Variants in OVCH1 observed in about 807,000 individuals in gnomAD.
The protein encoded by OVCH1 is ovochymase 1.
A neutral mutation model predicts 138.4 loss-of-function variants in OVCH1; 139 were observed. That is an observed-to-expected ratio of 1.00 (90% confidence interval 0.87 to 1.16). The LOEUF (loss-of-function observed/expected upper bound fraction) is 1.16. OVCH1 is among the 50% of genes most tolerant of loss of function. The pLI is 0.00. For missense variants in OVCH1, 1,367 were observed against 1,357.9 expected, an observed-to-expected ratio of 1.01 and a Z score of -0.11; for synonymous variants, 453 against 467.8, an observed-to-expected ratio of 0.97 and a Z score of 0.41.
chr12:29,461,721 G>T (rs1201393593), intron 19 of OVCH1, 133 bp downstream of exon 19: 1 of 1,107,022 alleles, frequency 9.0e-7, no homozygotes. Context: ...TTGCCCCACT[G>T]GTCTTCATGC....
intron 8 of OVCH1, among the ~76,000 whole-genome samples, chr12:29,481,289 C>A (rs573537345): frequency 6.6e-6 from 1 of 152,080 alleles, no homozygotes; most frequent in Non-Finnish European, 1.5e-5. Flanking sequence ...ATGAACCTAT[C>A]TTAGGAATTT....
intron 8 of OVCH1, among the ~76,000 whole-genome samples, chr12:29,480,618 C>T (rs1942898957): frequency 6.6e-6 from 1 of 152,096 alleles, no homozygotes; most frequent in African/African-American, 2.4e-5. Flanking sequence ...TTATTATGTG[C>T]CAGGCACTGA....
intron 16 of OVCH1, among the ~76,000 whole-genome samples, chr12:29,467,262 A>C (rs1942353757): frequency 6.6e-6 from 1 of 152,216 alleles, no homozygotes; most frequent in South Asian, 2.1e-4. Flanking sequence ...AGTGTATACA[A>C]TACAATGAAG....
chr12:29,475,232 A>T (rs1330718322), intron 13 of OVCH1, 43 bp from the exon 14 acceptor site: 4 of 1,344,198 alleles, frequency 3.0e-6, no homozygotes, highest in East Asian at 2.8e-5. Context: ...TTATATTTTT[A>T]AAAAATCAGA....
intron 9 of OVCH1, 191 bp from the exon 11 acceptor site, chr12:29,477,669 C>A (rs1320703097): frequency 2.1e-6 from 3 of 1,437,988 alleles, no homozygotes; most frequent in African/African-American, 1.4e-5. Context: ...CTCAACCCCC[C>A]AGTCTCACAT....
the OVCH1 span, among the ~76,000 whole-genome samples, chr12:29,406,550 A>G: frequency 1.3e-5 from 2 of 151,896 alleles, no homozygotes; most frequent in Admixed American, 6.6e-5. Flanking sequence ...GTGAGAATAT[A>G]CGGTGTTTGG....
chr12:29,414,592 A>T (rs1014272893), intron 3 of OVCH1, among the ~76,000 whole-genome samples: 1 of 152,204 alleles, frequency 6.6e-6, no homozygotes, highest in Non-Finnish European at 1.5e-5. Flanking sequence ...TGACTTTTGA[A>T]AAGACAAAAA....
At chr12:29,447,302 C>CA (rs1860553031) in intron 22 of OVCH1, among the ~76,000 whole-genome samples, 2 of 151,576 alleles carry the variant, frequency 1.3e-5, no homozygotes, top group Non-Finnish European at 2.9e-5. Flanking sequence ...AACAAACAAA[C>CA]AAAAAAATAA....
chr12:29,480,929 T>A (rs1381585775), intron 8 of OVCH1, among the ~76,000 whole-genome samples: 1 of 152,174 alleles, frequency 6.6e-6, no homozygotes, highest in African/African-American at 2.4e-5. Context: ...TTTTTCACAT[T>A]TGCACATTCT....
chr12:29,482,001 G>C (rs748654310), intron 8 of OVCH1, among the ~76,000 whole-genome samples: 37 of 152,154 alleles, frequency 2.4e-4, no homozygotes, highest in Non-Finnish European at 4.4e-4. Flanking sequence ...TATTGCAGTA[G>C]TTGGTCTCCC....
intron 3 of OVCH1, 86 bp downstream of exon 3, chr12:29,496,095 A>T: frequency 8.1e-7 from 1 of 1,236,916 alleles, no homozygotes; most frequent in African/African-American, 1.5e-5. Context: ...AGGGACTGAG[A>T]ATGAACCTGC....
intron 3 of OVCH1, among the ~76,000 whole-genome samples, chr12:29,413,567 ATATAT>A (rs1468904098): frequency 6.6e-6 from 1 of 152,086 alleles, no homozygotes; most frequent in Non-Finnish European, 1.5e-5. Context: ...AAATATATTG[ATATAT>A]TATGTATTTA....
chr12:29,452,414 C>A (rs1382447466), intron 21 of OVCH1, among the ~76,000 whole-genome samples: 1 of 151,324 alleles, frequency 6.6e-6, no homozygotes, highest in African/African-American at 2.4e-5. Flanking sequence ...TCTGTCATTT[C>A]TTTGTTAGTC....
chr12:29,488,832 G>T (rs1385153192), intron 6 of OVCH1, among the ~76,000 whole-genome samples: 1 of 152,096 alleles, frequency 6.6e-6, no homozygotes, highest in Non-Finnish European at 1.5e-5. Flanking sequence ...TGTAATGAAT[G>T]CAGATAGGAA....
Position 29,416,288 on chromosome 12 carries a change from C to CT in OVCH1, c.*72-3564dup, listed in dbSNP as rs1166936338. Among the ~76,000 whole-genome samples the CT allele has an allele frequency of 2.2e-4, 32 of 147,872 alleles. No individual in the cohort carries two copies. The East Asian group carries it at 2.4e-3, about 11-fold the overall frequency. On this transcript the variant is annotated intron_variant and NMD_transcript_variant, in intron 3 of 4. Coordinates refer to the OVCH1 transcript ENST00000539117. ...TTAGACTTGACACCAAAAGGAGAAG[C>CT]TTTTTTTTTTGAACGGAGCAATTGG... is the stretch of plus-strand genomic sequence containing the variant.
intron 21 of OVCH1, among the ~76,000 whole-genome samples, chr12:29,454,624 G>A (rs1017470297): frequency 1.3e-5 from 2 of 152,096 alleles, no homozygotes; most frequent in African/African-American, 4.8e-5. Context: ...ACAACCACAA[G>A]ATTTTTTTAA....
At chr12:29,471,856 C>A in exon 16 of OVCH1, 3 of 1,613,072 alleles carry the variant, frequency 1.9e-6, no homozygotes, top group Non-Finnish European at 2.5e-6. Flanking sequence ...GATGGCACCT[C>A]CACATTGGTA....
intron 3 of OVCH1, among the ~76,000 whole-genome samples, chr12:29,414,207 G>A (rs1941002528): frequency 6.6e-6 from 1 of 151,866 alleles, no homozygotes; most frequent in Admixed American, 6.6e-5. Context: ...TGTATTTTTA[G>A]TATAGATGGT....
At chr12:29,438,611 C>G (rs1021165486) in intron 26 of OVCH1, among the ~76,000 whole-genome samples, 4 of 152,028 alleles carry the variant, frequency 2.6e-5, no homozygotes, top group Non-Finnish European at 4.4e-5. Flanking sequence ...TATTTGTGTG[C>G]CACACAGGCA....
Sources: gnomAD v4.1 joint callset for allele counts (sites outside exome capture counted in the v4.1 genomes callset) on GRCh38, gnomAD v4.1.1 for gene constraint, MANE v1.5 for transcripts, NCBI Gene and HGNC (gene_info 2026-07-23, HGNC 2026-07-21) for gene names.